Variants in ZNF804B observed in about 807,000 individuals in gnomAD.
ZNF804B encodes the protein zinc finger protein 804B.
In ZNF804B, 80 loss-of-function variants were observed where a neutral mutation model predicts 101.4. The observed-to-expected ratio is 0.79, with a 90% CI of 0.66 to 0.95. The LOEUF (loss-of-function observed/expected upper bound fraction) is 0.95. Ranked by LOEUF, ZNF804B falls within the 40% of genes least tolerant of loss-of-function variation. The probability of loss-of-function intolerance (pLI) is 0.00; values close to 1 mark genes in which losing one functional copy is unlikely to be tolerated. For synonymous variants in ZNF804B, 622 were observed against 558.8 expected (o/e 1.11, Z -1.59); for missense variants, 1,673 against 1,561.9 (o/e 1.07, Z -1.20).
At chr7:89,053,800 T>C (rs1398202300) in intron 1 of ZNF804B, among the ~76,000 whole-genome samples, 1 of 152,066 alleles carries the variant, frequency 6.6e-6, no homozygotes, top group Non-Finnish European at 1.5e-5. Flanking sequence ...TAAAACCTCT[T>C]ATCTGAACTG....
chr7:89,152,185 G>A (rs547955228), intron 1 of ZNF804B, among the ~76,000 whole-genome samples: 3 of 151,786 alleles, frequency 2.0e-5, no homozygotes, highest in African/African-American at 7.2e-5. Context: ...TGAGATAAGA[G>A]AGCTAAGTTT....
intron 2 of ZNF804B, among the ~76,000 whole-genome samples, chr7:89,265,303 C>T (rs7803904): frequency 0.094 from 12,751 of 135,938 alleles, 552 homozygotes; most frequent in Admixed American, 0.12. Flanking sequence ...TGCGCGTGCG[C>T]GCGCGCACAC....
intron 1 of ZNF804B, among the ~76,000 whole-genome samples, chr7:89,099,066 C>T (rs962261803): frequency 1.1e-4 from 16 of 146,488 alleles, no homozygotes; most frequent in African/African-American, 4.0e-4. Context: ...TATATATGTA[C>T]CTATTTGAAT....
intron 1 of ZNF804B, among the ~76,000 whole-genome samples, chr7:89,134,802 A>G (rs1271591138): frequency 6.6e-6 from 1 of 150,612 alleles, no homozygotes; most frequent in Non-Finnish European, 1.5e-5. Context: ...TCTTAATTTT[A>G]TGTATAACCA....
intron 1 of ZNF804B, among the ~76,000 whole-genome samples, chr7:89,176,079 A>T (rs1422022763): frequency 2.6e-5 from 4 of 151,934 alleles, no homozygotes; most frequent in African/African-American, 9.7e-5. Context: ...TCTAATTAGG[A>T]CTTCCAGTAT....
At chr7:88,944,964 A>T (rs994836771) in intron 1 of ZNF804B, among the ~76,000 whole-genome samples, 11 of 152,022 alleles carry the variant, frequency 7.2e-5, no homozygotes, top group Non-Finnish European at 1.5e-4. Flanking sequence ...AATTTGTTTA[A>T]GTTCCTTGTG....
chr7:89,301,935 A>G (rs1790481375), intron 2 of ZNF804B, among the ~76,000 whole-genome samples: 1 of 151,898 alleles, frequency 6.6e-6, no homozygotes, highest in East Asian at 1.9e-4. Flanking sequence ...TAAGCACCGA[A>G]CAAATGATAG....
chr7:89,125,456 C>A (rs930857300), intron 1 of ZNF804B, among the ~76,000 whole-genome samples: 1 of 151,532 alleles, frequency 6.6e-6, no homozygotes, highest in Non-Finnish European at 1.5e-5. Flanking sequence ...TCAAAGAAAC[C>A]AATTTCTACC....
intron 1 of ZNF804B, among the ~76,000 whole-genome samples, chr7:89,211,230 A>G (rs1392888722): frequency 1.3e-5 from 2 of 152,052 alleles, no homozygotes; most frequent in African/African-American, 2.4e-5. Flanking sequence ...TTATTTGTAG[A>G]TTCTGGATAT....
chr7:88,959,697 C>T (rs1438041619), intron 1 of ZNF804B, among the ~76,000 whole-genome samples: 1 of 151,344 alleles, frequency 6.6e-6, no homozygotes, highest in Non-Finnish European at 1.5e-5. Flanking sequence ...TCATCTCCTC[C>T]CACCTCTATT....
chr7:89,198,430 A>T (rs1197185562), intron 1 of ZNF804B, among the ~76,000 whole-genome samples: 1 of 152,046 alleles, frequency 6.6e-6, no homozygotes, highest in East Asian at 1.9e-4. Flanking sequence ...CGTTTGTAAG[A>T]CTACATATTT....
Position 89,292,604 on chromosome 7 carries a change from A to T in ZNF804B, c.250-34740A>T, listed in dbSNP as rs544224751. 2.1e-4 allele frequency among the ~76,000 whole-genome samples: 32 copies of T among 152,136 alleles called. No homozygotes were observed. In the East Asian group the frequency reaches 6.0e-3, roughly 28 times the overall value. On this transcript the variant is annotated intron_variant, in intron 2 of 3. Coordinates refer to ENST00000333190, the MANE Select transcript of ZNF804B (RefSeq NM_181646.5). ...GAAATTAAATCATACCATGAGAAAA[A>T]ATCACCTTCACTGAAAATAGACAAA...
At chr7:89,120,541 C>T (rs1790387485) in intron 1 of ZNF804B, among the ~76,000 whole-genome samples, 1 of 150,580 alleles carries the variant, frequency 6.6e-6, no homozygotes, top group South Asian at 2.1e-4. Flanking sequence ...GCCTGTAGTC[C>T]CAGCTCCTCA....
chr7:88,897,044 T>C (rs1353853004), intron 1 of ZNF804B, among the ~76,000 whole-genome samples: 1 of 152,206 alleles, frequency 6.6e-6, no homozygotes, highest in Non-Finnish European at 1.5e-5. Context: ...ATAAACTTAT[T>C]GCCTGTTGTT....
intron 2 of ZNF804B, among the ~76,000 whole-genome samples, chr7:89,308,082 A>C (rs1008133528): frequency 6.6e-6 from 1 of 152,136 alleles, no homozygotes; most frequent in Non-Finnish European, 1.5e-5. Context: ...ACTTGCAAGA[A>C]AAAAAGTGAG....
chr7:89,171,353 T>TTCTTCCTCC (rs1791228823), intron 1 of ZNF804B, among the ~76,000 whole-genome samples: 23 of 94,868 alleles, frequency 2.4e-4, no homozygotes, highest in African/African-American at 6.7e-4. Context: ...CTTCTTCTTC[T>TTCTTCCTCC]TCTTCCTCCT....
chr7:88,853,137 C>G (rs1264998637), intron 1 of ZNF804B, among the ~76,000 whole-genome samples: 1 of 152,122 alleles, frequency 6.6e-6, no homozygotes, highest in African/African-American at 2.4e-5. Flanking sequence ...GAATTGGTGT[C>G]TCTGTTAAAA....
At chr7:89,240,696 T>C (rs556217884) in intron 2 of ZNF804B, among the ~76,000 whole-genome samples, 2 of 152,144 alleles carry the variant, frequency 1.3e-5, no homozygotes, top group Admixed American at 1.3e-4. Context: ...ACTTTTATCT[T>C]CATCTTCCTT....
At chr7:89,096,230 T>C (rs1562883604) in intron 1 of ZNF804B, among the ~76,000 whole-genome samples, 1 of 151,736 alleles carries the variant, frequency 6.6e-6, no homozygotes, top group Non-Finnish European at 1.5e-5. Flanking sequence ...CTAGACAAGT[T>C]AATGTTAAAA....
Sources: gnomAD v4.1 joint callset for allele counts (sites outside exome capture counted in the v4.1 genomes callset) on GRCh38, gnomAD v4.1.1 for gene constraint, MANE v1.5 for transcripts, NCBI Gene and HGNC (gene_info 2026-07-23, HGNC 2026-07-21) for gene names.